The following SEPTIN8 variants were observed in gnomAD, a reference collection of about 807,000 sequenced individuals.
SEPTIN8 encodes septin 8, also known as septin-8.
In SEPTIN8, 22 loss-of-function variants were observed where a neutral mutation model predicts 53.1. That is an observed-to-expected ratio of 0.41 (90% confidence interval 0.30 to 0.59). The LOEUF is 0.59. Among genes scored for constraint, SEPTIN8 ranks in the 20% least tolerant of loss-of-function variants. SEPTIN8 has a pLI of 0.24. For synonymous variants in SEPTIN8, 228 were observed against 248.4 expected (o/e 0.92, Z 0.77); for missense variants, 536 against 638.7 (o/e 0.84, Z 1.73).
At chr5:132,752,829 G>T (rs1754972052) in intron 9 of SEPTIN8, 3 of 1,558,442 alleles carry the variant, frequency 1.9e-6, no homozygotes, top group Non-Finnish European at 2.7e-6. Flanking sequence ...AATGTATGAT[G>T]GTTCTGCTTG....
intron 9 of SEPTIN8, among the ~76,000 whole-genome samples, chr5:132,752,482 AG>A (rs1357464992): frequency 2.6e-5 from 4 of 152,168 alleles, no homozygotes; most frequent in Non-Finnish European, 5.9e-5. Context: ...GTGGGGAGTC[AG>A]GGGTATGTCT....
intron 4 of SEPTIN8, among the ~76,000 whole-genome samples, chr5:132,763,321 G>C (rs1476728314): frequency 6.6e-6 from 1 of 152,216 alleles, no homozygotes; most frequent in East Asian, 1.9e-4. Flanking sequence ...AGGGGGAAGT[G>C]AAAGGAGGAG....
At chr5:132,758,537 T>C in intron 9 of SEPTIN8, 1 of 1,613,114 alleles carries the variant, frequency 6.2e-7, no homozygotes, top group Non-Finnish European at 8.5e-7. Flanking sequence ...ACACTGTAAA[T>C]GGAAGACCAG....
Position 132,752,067 on chromosome 5 carries a change from C to G in SEPTIN8, c.1401G>C (p.Gln467His), listed in dbSNP as rs1392049458. The G allele has an allele frequency of 6.2e-7, 1 of 1,609,304 alleles. No homozygotes were observed. Among genetic ancestry groups the G allele is most frequent in the Non-Finnish European group, 8.5e-7 (1 of 1,177,936 alleles). The change falls in exon 10 of 10, where the codon CAG becomes CAC. Residue 467 changes from glutamine to histidine, a missense_variant. By Grantham distance (24) the Gln-to-His change is conservative. Transcript: ENST00000378719. ...LNCSSWWPAI[Q>H]CCSCLVRDAT... ...CATCCCTGACCAGGCAGCTGCAGCA[C>G]TGTATGGCGGGCCACCAGCTGCTGC...
At chr5:132,771,226 A>T (rs1034250212) in intron 1 of SEPTIN8, among the ~76,000 whole-genome samples, 1 of 152,200 alleles carries the variant, frequency 6.6e-6, no homozygotes, top group South Asian at 2.1e-4. Flanking sequence ...GGTTGCCAAC[A>T]CACAAAAACA....
chr5:132,768,012 G>A (rs992260804), intron 1 of SEPTIN8, among the ~76,000 whole-genome samples: 39 of 144,702 alleles, frequency 2.7e-4, no homozygotes, highest in Middle Eastern at 4.1e-3. Flanking sequence ...TTACTGAGAA[G>A]CAGAGGCCAT....
At chr5:132,772,649 C>T (rs30530) in intron 1 of SEPTIN8, among the ~76,000 whole-genome samples, 2 of 152,066 alleles carry the variant, frequency 1.3e-5, no homozygotes, top group Admixed American at 6.5e-5. Flanking sequence ...TCCAACCCCA[C>T]GATGGATGCC....
rs778914260 is a variant in SEPTIN8 at position 132,761,106 on chromosome 5, C to T, written c.1095+27G>A. 6.2e-7 allele frequency: 1 copy of T among 1,613,770 alleles called. No individual in the cohort carries two copies. The highest frequency in any genetic ancestry group is 8.5e-7 in the Non-Finnish European group (1 of 1,179,768). On this transcript the variant is annotated intron_variant, in intron 8 of 9. Coordinates refer to ENST00000378719, the MANE Select transcript of SEPTIN8 (RefSeq NM_001098811.2). This position sits in a 1 kb window ranked among gnomAD's most constrained non-coding sequence, Gnocchi z 5.8. ...CAGGCCTTCCCTCCCTCAGCTTCCC[C>T]ATCCCAGCCCCCAGCCTGGCACATA... is the stretch of plus-strand genomic sequence containing the variant.
Position 132,761,600 on chromosome 5 carries a change from C to T in SEPTIN8, c.820G>A (p.Val274Met), listed in dbSNP as rs569539799. Reference sequence around the variant, plus strand: ...CGGATCAACATCTCCCGCAGCTTCACGAAGTCGCAGTGATTCTCATTCTCC... The same window carrying T: ...CGGATCAACATCTCCCGCAGCTTCATGAAGTCGCAGTGATTCTCATTCTCC... The part of the protein sequence containing the change: ...QVENENHCDF[V>M]KLREMLIRVN... Residue 274 changes from valine (V) to methionine (M), a missense_variant, in exon 7 of 10, where the codon GTG becomes ATG. Coordinates refer to ENST00000378719, the MANE Select transcript of SEPTIN8 (RefSeq NM_001098811.2). The surrounding 1 kb of genome is among the most constrained non-coding windows in gnomAD (Gnocchi z 5.8). 2.4e-4 allele frequency: 392 copies of T among 1,613,946 alleles called. No homozygotes were observed. Among genetic ancestry groups the T allele is most frequent in the Non-Finnish European group, 3.1e-4 (361 of 1,179,968 alleles).
At chr5:132,769,518 C>A (rs1381087528) in intron 1 of SEPTIN8, among the ~76,000 whole-genome samples, 1 of 152,158 alleles carries the variant, frequency 6.6e-6, no homozygotes, top group Non-Finnish European at 1.5e-5. Context: ...ACCTTAATAA[C>A]AATGGCAACA....
chr5:132,759,124 T>A, intron 9 of SEPTIN8: 1 of 517,436 alleles, frequency 1.9e-6, no homozygotes, highest in East Asian at 4.5e-5. Flanking sequence ...ATTCCAAAAA[T>A]GCACTCCCGA....
chr5:132,775,113 C>T (rs567065209), intron 1 of SEPTIN8, among the ~76,000 whole-genome samples: 3 of 152,178 alleles, frequency 2.0e-5, no homozygotes, highest in African/African-American at 4.8e-5. Context: ...TCAGGCTCTA[C>T]GCCCTTGCCT....
intron 1 of SEPTIN8, among the ~76,000 whole-genome samples, chr5:132,767,559 T>A (rs1360502164): frequency 6.6e-6 from 1 of 152,120 alleles, no homozygotes; most frequent in Non-Finnish European, 1.5e-5. Context: ...CGGCTGCAGG[T>A]TGGGGAGGTC....
Position 132,761,500 on chromosome 5 carries a change from T to C in SEPTIN8, c.920A>G (p.Glu307Gly). 6.2e-7 allele frequency: 1 copy of C among 1,613,528 alleles called. No homozygotes were observed. The highest frequency in any genetic ancestry group is 8.5e-7 in the Non-Finnish European group (1 of 1,179,986). ...ACCATCGCTGTCCTGAAAGCCCATC[T>C]CCTCCAACTTGCAGCGCCGGTAGAG... ...YELYRRCKLEEMGFQDSDGDS... is the reference protein window; with the variant it reads ...YELYRRCKLEGMGFQDSDGDS... Residue 307 changes from glutamate (E) to glycine (G), a missense_variant, in exon 7 of 10, where the codon GAG (glutamate) becomes GGG (glycine). This residue lies in a region of SEPTIN8 where 395 missense variants were observed against 451.8 expected (regional missense o/e 0.87). Coordinates refer to ENST00000378719, the MANE Select transcript of SEPTIN8 (RefSeq NM_001098811.2). This position sits in a 1 kb window ranked among gnomAD's most constrained non-coding sequence, Gnocchi z 5.8.
At chr5:132,779,760 T>C (rs1387162904), upstream of SEPTIN8, among the ~76,000 whole-genome samples, 2 of 152,348 alleles carry the variant, frequency 1.3e-5, no homozygotes, top group East Asian at 3.9e-4. Context: ...TTAAAAACTT[T>C]TTTTTAACTC....
intron 9 of SEPTIN8, chr5:132,757,442 T>C: frequency 1.0e-6 from 1 of 985,262 alleles, no homozygotes. Flanking sequence ...AAATCAATAA[T>C]GCAAGCCAGA....
At chr5:132,777,247 A>G (rs1305064018), upstream of SEPTIN8, 16 of 1,134,948 alleles carry the variant, frequency 1.4e-5, no homozygotes, top group African/African-American at 1.6e-5. This position sits in a 1 kb window ranked among gnomAD's most constrained non-coding sequence, Gnocchi z 4.1. Context: ...AATGGATCCA[A>G]TATGGCCACT....
At chr5:132,770,331 C>A (rs2149997498) in intron 1 of SEPTIN8, among the ~76,000 whole-genome samples, 1 of 151,266 alleles carries the variant, frequency 6.6e-6, no homozygotes, top group Middle Eastern at 3.4e-3. Flanking sequence ...GGCACGCAAC[C>A]ACCACGCCTG....
chr5:132,762,011 G>C, intron 5 of SEPTIN8, 115 bp from the exon 6 acceptor site: 2 of 818,210 alleles, frequency 2.4e-6, no homozygotes, highest in Non-Finnish European at 3.8e-6. Context: ...AAAGGCTCCA[G>C]GGCCAGATGC....
Sources: allele counts gnomAD v4.1 joint callset (sites outside exome capture counted in the v4.1 genomes callset), GRCh38; gene constraint gnomAD v4.1.1; regional missense constraint gnomAD v4.1.1; non-coding constraint Gnocchi (gnomAD v3.1); transcripts MANE v1.5; gene names NCBI Gene and HGNC (gene_info 2026-07-23, HGNC 2026-07-21).